ATXN2L: variants seen among roughly 807,000 people sequenced by gnomAD.
ATXN2L encodes the protein ataxin 2 like, also known as ataxin-2-like protein.
ATXN2L carries 24 observed loss-of-function variants against 120.7 expected under a neutral mutation model. The observed-to-expected ratio is 0.20, with a 90% CI of 0.14 to 0.28. ATXN2L has a LOEUF of 0.28. ATXN2L is among the 10% of genes least tolerant of loss of function. The pLI, the probability that ATXN2L is intolerant of heterozygous loss-of-function variation, is 1.00. For synonymous variants in ATXN2L, 653 were observed against 568.1 expected, an observed-to-expected ratio of 1.15 and a Z score of -2.13; for missense variants, 1,312 against 1,432.3, an observed-to-expected ratio of 0.92 and a Z score of 1.36.
In ATXN2L at chr16:28,830,935, T is replaced by TTAAA. The variant is rs777081249; in HGVS notation, c.1211-27_1211-26insTAAA. On this transcript the variant is annotated intron_variant, in intron 9 of 21. Transcript: ENST00000336783. ...TCGTCTGCCTCCTGACATTTTCTTC[T>TTAAA]CAAAAAAAAAAAAAAAAACCAAACA... The TTAAA allele has an allele frequency of 5.2e-6, 5 of 963,306 alleles. No homozygotes were observed. The African/African-American group carries it at 8.8e-5, about 17-fold the overall frequency. The allele number at this position is 963,306 out of a possible 1,614,324, so 59.7% of individuals were successfully genotyped here.
chr16:28,832,661 A>G (rs1596947248), intron 12 of ATXN2L, 94 bp downstream of exon 12: 1 of 1,440,532 alleles, frequency 6.9e-7, no homozygotes, highest in African/African-American at 1.4e-5. Flanking sequence ...AGAGGCAAAC[A>G]ATGTCTATCA....
intron 15 of ATXN2L, 121 bp downstream of exon 15, chr16:28,833,629 G>A (rs924445906): frequency 3.8e-6 from 4 of 1,055,816 alleles, no homozygotes. Flanking sequence ...GGCAGTGTGA[G>A]GAGATGTCAT....
At position 28,826,443 on chromosome 16, in the gene ATXN2L, G is replaced by C. The variant is rs893866252; in HGVS notation, c.616+53G>C. On this transcript the variant is annotated intron_variant, in intron 5 of 21. Coordinates refer to ENST00000336783, the MANE Select transcript of ATXN2L (RefSeq NM_007245.4). Reference sequence around the variant, plus strand: ...CTGCTCTGTGTGCATAGAGGACAGAGGGTAGTTTGTGTGCAGGTGGAACAT... The same window carrying C: ...CTGCTCTGTGTGCATAGAGGACAGACGGTAGTTTGTGTGCAGGTGGAACAT... 2.5e-6 allele frequency: 4 copies of C among 1,576,712 alleles called. No homozygotes were observed. The African/African-American group carries it at 5.4e-5, about 21-fold the overall frequency.
intron 6 of ATXN2L, among the ~76,000 whole-genome samples, chr16:28,827,463 A>G (rs1174224692): frequency 6.6e-6 from 1 of 152,104 alleles, no homozygotes; most frequent in African/African-American, 2.4e-5. Context: ...CTCTCTTACT[A>G]TCTATAATTA....
At chr16:28,829,643 C>T (rs2053622464) in intron 7 of ATXN2L, 151 bp downstream of exon 7, 1 of 768,494 alleles carries the variant, frequency 1.3e-6, no homozygotes, top group East Asian at 2.7e-5. Flanking sequence ...TGGAATTCTT[C>T]CCTCAAAGGT....
Position 28,836,652 on chromosome 16 carries a change from A to G in ATXN2L, c.*387A>G. 1.2e-6 allele frequency: 2 copies of G among 1,606,518 alleles called. No individual in the cohort carries two copies. Among genetic ancestry groups the G allele is most frequent in the Non-Finnish European group, 8.5e-7 (1 of 1,178,074 alleles). On this transcript the variant is annotated 3_prime_UTR_variant, in exon 22 of 22. Transcript: ENST00000336783. ...TTCCCAGACACACCCCCACGCCCCC[A>G]CTGGACGGCATTGGAGGAAGGGACA...
intron 7 of ATXN2L, 160 bp from the exon 8 acceptor site, chr16:28,829,698 T>G: frequency 2.5e-6 from 2 of 804,166 alleles, no homozygotes; most frequent in Non-Finnish European, 4.0e-6. Context: ...TAAGCCTTGG[T>G]GCTCTACCTG....
At chr16:28,831,800 G>A (rs1164744446) in intron 10 of ATXN2L, among the ~76,000 whole-genome samples, 2 of 152,296 alleles carry the variant, frequency 1.3e-5, no homozygotes, top group East Asian at 1.9e-4. Context: ...GGGGGGAATC[G>A]CTTGAGCCCA....
At chr16:28,825,430 G>A in intron 2 of ATXN2L, 28 bp downstream of exon 2, 2 of 1,611,178 alleles carry the variant, frequency 1.2e-6, no homozygotes. Flanking sequence ...CCCTGTTTAA[G>A]ATACATAGAC....
Position 28,836,086 on chromosome 16 carries a change from A to G in ATXN2L, c.3049A>G (p.Thr1017Ala). The change falls in exon 22 of 22, where the codon ACA becomes GCA. Residue 1017 changes from threonine (T) to alanine (A), a missense_variant. Coordinates refer to ENST00000336783, the MANE Select transcript of ATXN2L (RefSeq NM_007245.4). ...TGGGGTGCCTGCACTCTCAGCTTCCACACCCTCACCCTACCCCTACATCGG... is the reference window on the plus strand; with the variant it reads ...TGGGGTGCCTGCACTCTCAGCTTCCGCACCCTCACCCTACCCCTACATCGG... The part of the protein sequence containing the change: ...QSGVPALSAS[T>A]PSPYPYIGHP... The G allele has an allele frequency of 1.2e-6, 2 of 1,611,310 alleles. No homozygotes were observed. The highest frequency in any genetic ancestry group is 1.7e-6 in the Non-Finnish European group (2 of 1,178,610).
chr16:28,823,264 T>C lies in ATXN2L; in HGVS notation c.5T>C (p.Leu2Ser). 1.3e-6 allele frequency: 2 copies of C among 1,488,134 alleles called. No homozygotes were observed. The highest frequency in any genetic ancestry group is 1.8e-6 in the Non-Finnish European group (2 of 1,118,708). 92.2% of individuals were successfully genotyped at this position (1,488,134 alleles called of 1,614,324 possible). M[L>S]KPQPLQQPSQ... ...CCCCTTCCGGACGCTGCCATCATGT[T>C]GAAGCCTCAGCCGCTACAACAGCCC... The change falls in exon 1 of 22, where the codon TTG becomes TCG. Residue 2 changes from leucine to serine, a missense_variant. Coordinates refer to ENST00000336783, the MANE Select transcript of ATXN2L (RefSeq NM_007245.4).
In ATXN2L at chr16:28,836,224, C is replaced by T; in HGVS notation, c.3187C>T (p.Leu1063=). ...AATTTGGCATGGAAGAGCTGAGGGG[C>T]TGCAGGTGGGGCAGGATGCACGGGT... ...GGIWHGRAEG[L]QVGQDARVLG... is the part of the protein sequence containing the mutation. The change falls in exon 22 of 22, where the codon CTG becomes TTG. Residue 1063 remains leucine, a synonymous_variant. Transcript: ENST00000336783. The T allele has an allele frequency of 6.2e-7, 1 of 1,613,830 alleles. No individual in the cohort carries two copies. Among genetic ancestry groups the T allele is most frequent in the Non-Finnish European group, 8.5e-7 (1 of 1,179,840 alleles).
At chr16:28,834,732 C>T (rs764079709) in intron 18 of ATXN2L, 39 bp downstream of exon 18, 5 of 1,564,768 alleles carry the variant, frequency 3.2e-6, no homozygotes, top group Non-Finnish European at 3.5e-6. Flanking sequence ...ATCCAGGGCC[C>T]CTGCTAGGGA....
At chr16:28,825,742 A>G (rs778390676) in intron 3 of ATXN2L, 28 bp from the exon 4 acceptor site, 1 of 1,613,376 alleles carries the variant, frequency 6.2e-7, no homozygotes, top group Non-Finnish European at 8.5e-7. Context: ...TTCTGGAGAC[A>G]CTCTTCTTAT....
Position 28,826,298 on chromosome 16 carries a change from G to T in ATXN2L, c.524G>T (p.Arg175Leu), listed in dbSNP as rs1415035922. ...GCATCTGAGCCAGCAGGTGGCCCTC[G>T]TCGGGAGGACATTGTGGACACCATG... is the stretch of plus-strand genomic sequence containing the variant. The part of the protein sequence containing the change: ...RKASEPAGGP[R>L]REDIVDTMVF... Residue 175 changes from arginine to leucine, a missense_variant, in exon 5 of 22, where the codon CGT becomes CTT. By Grantham distance (102) the Arg-to-Leu change is moderately radical (BLOSUM62 -2). Transcript: ENST00000336783. 6.8e-6 allele frequency: 11 copies of T among 1,614,188 alleles called. No individual in the cohort carries two copies. Among genetic ancestry groups the T allele is most frequent in the African/African-American group, 1.3e-5 (1 of 75,052 alleles).
chr16:28,832,192 C>G lies in ATXN2L; in HGVS notation c.1322-13C>G, dbSNP rs532413655. ...CAGCAGTAACCATCCTACAGCTCCCCCTTTTCTTCCAGTGGGCCGGATGTA... is the reference window on the plus strand; with the variant it reads ...CAGCAGTAACCATCCTACAGCTCCCGCTTTTCTTCCAGTGGGCCGGATGTA... On this transcript the variant is annotated splice_polypyrimidine_tract_variant and intron_variant, in intron 10 of 21. Transcript: ENST00000336783. 6.2e-7 allele frequency: 1 copy of G among 1,613,902 alleles called. No homozygotes were observed. Among genetic ancestry groups the G allele is most frequent in the African/African-American group, 1.3e-5 (1 of 74,904 alleles).
intron 1 of ATXN2L, chr16:28,824,645 T>C: frequency 8.7e-7 from 1 of 1,151,726 alleles, no homozygotes; most frequent in African/African-American, 1.6e-5. Flanking sequence ...AAAATGATTG[T>C]CTTTTCTGTT....
At position 28,826,849 on chromosome 16, in the gene ATXN2L, T is replaced by C; in HGVS notation, c.617-13T>C. 1 of 1,560,812 alleles carries C rather than the reference T, an allele frequency of 6.4e-7. No individual in the cohort carries two copies. Among genetic ancestry groups the C allele is most frequent in the Non-Finnish European group, 8.7e-7 (1 of 1,147,994 alleles). Reference sequence around the variant, plus strand: ...TATAGCCTGACTCCTGATCTTCACCTCTGCCCCCACAGACAAGTTCACCGA... The same window carrying C: ...TATAGCCTGACTCCTGATCTTCACCCCTGCCCCCACAGACAAGTTCACCGA... On this transcript the variant is annotated splice_polypyrimidine_tract_variant and intron_variant, in intron 5 of 21. Coordinates refer to ENST00000336783, the MANE Select transcript of ATXN2L (RefSeq NM_007245.4).
rs1022090903 is a variant in ATXN2L, at chr16:28,823,553, C to T, written c.294C>T (p.Ser98=). Reference sequence around the variant, plus strand: ...GGCCGGGGGCAGCCGCCATCGGCAGCGCCAGGTGAGAAGGGTGGGCTCCGG... The same window carrying T: ...GGCCGGGGGCAGCCGCCATCGGCAGTGCCAGGTGAGAAGGGTGGGCTCCGG... ...QERPGAAAIG[S]ARGQSTGKGP... The change falls in exon 1 of 22, where the codon AGC becomes AGT. Residue 98 remains serine, a synonymous_variant. Coordinates refer to ENST00000336783, the MANE Select transcript of ATXN2L (RefSeq NM_007245.4). 1.5e-6 allele frequency: 2 copies of T among 1,351,316 alleles called. No homozygotes were observed. The highest frequency in any genetic ancestry group is 3.5e-5 in the South Asian group (2 of 56,410). 83.7% of individuals were successfully genotyped at this position (1,351,316 alleles called of 1,614,324 possible).
Sources: allele counts gnomAD v4.1 joint callset (sites outside exome capture counted in the v4.1 genomes callset), GRCh38; gene constraint gnomAD v4.1.1; transcripts MANE v1.5; gene names NCBI Gene and HGNC (gene_info 2026-07-23, HGNC 2026-07-21).